The following SLC20A2 variants were observed in gnomAD, a reference collection of about 807,000 sequenced individuals.
SLC20A2 encodes sodium-dependent phosphate transporter 2.
Under a neutral mutation model 61.0 loss-of-function variants are expected in SLC20A2, and 30 were observed. The ratio of observed to expected loss-of-function variants is 0.49; its 90% CI spans 0.37 to 0.67. The LOEUF is 0.67. SLC20A2 is among the 30% of genes least tolerant of loss of function. The pLI is 0.00. For missense variants in SLC20A2, 626 were observed against 866.4 expected (o/e 0.72, Z 3.48); for synonymous variants, 351 against 353.3 (o/e 0.99, Z 0.07).
chr8:42,425,915 A>T (rs1291816456), intron 10 of SLC20A2, among the ~76,000 whole-genome samples: 1 of 152,174 alleles, frequency 6.6e-6, no homozygotes, highest in Non-Finnish European at 1.5e-5. Context: ...GGGCACCTGT[A>T]GTCCCAGCTA....
At position 42,419,336 on chromosome 8, in the gene SLC20A2, G is replaced by A. The variant is rs904174699; in HGVS notation, c.1795-1369C>T. On this transcript the variant is annotated intron_variant, in intron 10 of 10. Coordinates refer to ENST00000520262, the MANE Select transcript of SLC20A2 (RefSeq NM_001257180.2). Reference sequence around the variant, plus strand: ...TGTAATCTCAGCACTTCAGGAGGCCGAGGCGGGTGGATCACCTGAGGTCAG... The same window carrying A: ...TGTAATCTCAGCACTTCAGGAGGCCAAGGCGGGTGGATCACCTGAGGTCAG... Among the ~76,000 whole-genome samples the A allele has an allele frequency of 4.6e-5, 7 of 152,152 alleles. No individual in the cohort carries two copies. In the East Asian group the frequency reaches 7.7e-4, roughly 17 times the overall value.
In SLC20A2 at chr8:42,437,119, G is replaced by A; in HGVS notation, c.1393C>T (p.Gln465Ter). The change falls in exon 8 of 11, where the codon CAG becomes TAG. Residue 465 changes from glutamine (Q) to a stop codon, truncating the protein, a stop_gained. Transcript: ENST00000520262. LOFTEE classifies it high-confidence loss of function. This position sits in a 1 kb window ranked among gnomAD's most constrained non-coding sequence, Gnocchi z 6.4. ...KLASELADPD[Q>*]PREDPAEEEK... ...TCCTCTGCAGGGTCCTCTCGCGGCT[G>A]GTCAGGGTCGGCCAGCTCCGACGCC... 1 of 1,613,910 alleles carries A rather than the reference G, an allele frequency of 6.2e-7. No individual in the cohort carries two copies. Among genetic ancestry groups the A allele is most frequent in the Non-Finnish European group, 8.5e-7 (1 of 1,180,042 alleles).
Position 42,437,252 on chromosome 8 carries a change from G to A in SLC20A2, c.1260C>T (p.Thr420=), listed in dbSNP as rs574609540. ...PEDSEKLVGD[T]VSYSKKRLRY... ...GCAGCCTCTTCTTGGAGTAGGACAC[G>A]GTGTCGCCCACCAGCTTCTCACTGT... Residue 420 remains threonine, a synonymous_variant, in exon 8 of 11, where the codon ACC becomes ACT. Coordinates refer to ENST00000520262, the MANE Select transcript of SLC20A2 (RefSeq NM_001257180.2). The surrounding 1 kb of genome is among the most constrained non-coding windows in gnomAD (Gnocchi z 6.4). The A allele has an allele frequency of 5.0e-5, 81 of 1,613,978 alleles. 1 individual carries two copies. The South Asian group carries it at 7.5e-4, about 15-fold the overall frequency.
At chr8:42,512,029 G>A (rs1467930763) in intron 1 of SLC20A2, among the ~76,000 whole-genome samples, 1 of 152,136 alleles carries the variant, frequency 6.6e-6, no homozygotes, top group Non-Finnish European at 1.5e-5. Context: ...GTTCGCAAAA[G>A]AGGAGTGGAC....
chr8:42,487,164 C>CTATTTTTAAGTGTTG, intron 1 of SLC20A2, among the ~76,000 whole-genome samples: 1 of 145,316 alleles, frequency 6.9e-6, no homozygotes, highest in South Asian at 2.2e-4. Flanking sequence ...CGTGCTTGGC[C>CTATTTTTAAGTGTTG]ATGGTTTCTT....
Position 42,437,086 on chromosome 8 carries a change from CCTT to C in SLC20A2, c.1423_1425del (p.Lys475del), listed in dbSNP as rs1804329043. On this transcript the variant is annotated inframe_deletion, in exon 8 of 11. Coordinates refer to ENST00000520262, the MANE Select transcript of SLC20A2 (RefSeq NM_001257180.2). This position sits in a 1 kb window ranked among gnomAD's most constrained non-coding sequence, Gnocchi z 6.4. ...TGAACCTCGGGTGCGTCCTTCTCCT[CCTT>C]CTCCTCCTCTGCAGGGTCCTCTCGC... The C allele has an allele frequency of 6.2e-7, 1 of 1,613,998 alleles. No individual in the cohort carries two copies. The highest frequency in any genetic ancestry group is 1.3e-5 in the African/African-American group (1 of 74,940).
At chr8:42,505,799 G>A (rs749122780), upstream of SLC20A2, among the ~76,000 whole-genome samples, 5 of 151,780 alleles carry the variant, frequency 3.3e-5, no homozygotes, top group Non-Finnish European at 5.9e-5. Flanking sequence ...GCTGAGGCAT[G>A]AGAATCAGTT....
At chr8:42,540,969 C>CT (rs1046891293) in intron 1 of SLC20A2, 1 of 152,278 alleles carries the variant, frequency 6.6e-6, no homozygotes, top group African/African-American at 2.4e-5. Flanking sequence ...ACTACGGTGT[C>CT]AGCCACGCAC....
chr8:42,431,530 C>T (rs370059365), intron 8 of SLC20A2, among the ~76,000 whole-genome samples: 1 of 152,232 alleles, frequency 6.6e-6, no homozygotes, highest in African/African-American at 2.4e-5. Flanking sequence ...GCAGCGAGTT[C>T]TCCAGAAGAT....
chr8:42,449,520 A>C (rs1026941660), intron 5 of SLC20A2, among the ~76,000 whole-genome samples: 9 of 152,216 alleles, frequency 5.9e-5, no homozygotes, highest in African/African-American at 1.9e-4. Context: ...TTTCACATCT[A>C]ACACTCATGA....
chr8:42,522,029 CA>C (rs1349532423), intron 1 of SLC20A2, among the ~76,000 whole-genome samples: 1 of 120,808 alleles, frequency 8.3e-6, no homozygotes, highest in African/African-American at 2.5e-5. Context: ...CATTTAAAAA[CA>C]AAAAGTTTTT....
At chr8:42,528,042 C>T (rs1812086358) in intron 1 of SLC20A2, among the ~76,000 whole-genome samples, 1 of 152,164 alleles carries the variant, frequency 6.6e-6, no homozygotes, top group Non-Finnish European at 1.5e-5. Context: ...TTTTCTATTA[C>T]CACTAAGCAC....
chr8:42,448,618 A>G (rs181832747), intron 5 of SLC20A2, among the ~76,000 whole-genome samples: 60 of 152,310 alleles, frequency 3.9e-4, no homozygotes, highest in African/African-American at 1.4e-3. Flanking sequence ...GGCCTGGGAT[A>G]CAGCCAGAAA....
intron 1 of SLC20A2, among the ~76,000 whole-genome samples, chr8:42,516,357 A>G (rs1811321958): frequency 6.6e-6 from 1 of 152,204 alleles, no homozygotes; most frequent in Non-Finnish European, 1.5e-5. Flanking sequence ...CCTGTTTTAG[A>G]ATTAAGGTAC....
chr8:42,445,016 G>A (rs1387684662), intron 5 of SLC20A2, among the ~76,000 whole-genome samples: 1 of 152,258 alleles, frequency 6.6e-6, no homozygotes, highest in African/African-American at 2.4e-5. Context: ...TGGGGGCCAG[G>A]CATGGCGGCT....
chr8:42,435,734 TC>T (rs1804198903), intron 8 of SLC20A2, among the ~76,000 whole-genome samples: 1 of 152,110 alleles, frequency 6.6e-6, no homozygotes, highest in African/African-American at 2.4e-5. Context: ...ACCTGCAGGC[TC>T]GGGCGGCAGC....
chr8:42,443,960 C>A (rs1376143937), intron 6 of SLC20A2, among the ~76,000 whole-genome samples: 1 of 152,178 alleles, frequency 6.6e-6, no homozygotes, highest in East Asian at 1.9e-4. Flanking sequence ...GCCGTCAGGT[C>A]CCCAGCAGTT....
chr8:42,478,346 G>A (rs1402693723), intron 1 of SLC20A2, among the ~76,000 whole-genome samples: 1 of 151,040 alleles, frequency 6.6e-6, no homozygotes, highest in Non-Finnish European at 1.5e-5. Context: ...CCAGTAGCCA[G>A]GATTACAGGC....
intron 8 of SLC20A2, among the ~76,000 whole-genome samples, chr8:42,436,101 G>T (rs1563451276): frequency 1.3e-5 from 2 of 151,522 alleles, no homozygotes; most frequent in Non-Finnish European, 2.9e-5. Context: ...GGGGAACAGA[G>T]CGAGACTCCG....
Sources: allele counts gnomAD v4.1 joint callset (sites outside exome capture counted in the v4.1 genomes callset), GRCh38; gene constraint gnomAD v4.1.1; non-coding constraint Gnocchi (gnomAD v3.1); transcripts MANE v1.5; gene names NCBI Gene and HGNC (gene_info 2026-07-23, HGNC 2026-07-21).